ANKFN1: variants seen among roughly 807,000 people sequenced by gnomAD.
The protein encoded by ANKFN1 is ankyrin repeat and fibronectin type III domain containing 1.
A neutral mutation model predicts 108.7 loss-of-function variants in ANKFN1; 74 were observed. That is an observed-to-expected ratio of 0.68 (90% CI 0.56 to 0.83). The LOEUF (loss-of-function observed/expected upper bound fraction) is 0.83, where lower values mean the gene tolerates loss of function less well. ANKFN1 is among the 40% of genes least tolerant of loss of function. The pLI is 0.00. For synonymous variants in ANKFN1, 547 were observed against 516.2 expected, an observed-to-expected ratio of 1.06 and a Z score of -0.81; for missense variants, 1,505 against 1,382.3, an observed-to-expected ratio of 1.09 and a Z score of -1.41.
At chr17:56,162,813 A>T (rs1299886435) in intron 1 of ANKFN1, among the ~76,000 whole-genome samples, 1 of 152,170 alleles carries the variant, frequency 6.6e-6, no homozygotes. Context: ...AGGCGGGTGG[A>T]TCACCTGAGG....
intron 4 of ANKFN1, among the ~76,000 whole-genome samples, chr17:56,048,655 G>C (rs1289999352): frequency 6.6e-6 from 1 of 152,182 alleles, no homozygotes; most frequent in Non-Finnish European, 1.5e-5. Context: ...ATCAAGCTCA[G>C]CAGCCTCTCA....
rs191227572 is a variant in ANKFN1 at position 56,485,734 on chromosome 17, G to A, written c.2260+3210G>A. On this transcript the variant is annotated intron_variant, in intron 18 of 20. Coordinates refer to ENST00000682825, the MANE Select transcript of ANKFN1 (RefSeq NM_001370326.1). Reference sequence around the variant, plus strand: ...CGATGACTAGAGCAATGTTTTTCATGGGACCTATTAATAATCCATAGAACA... The same window carrying A: ...CGATGACTAGAGCAATGTTTTTCATAGGACCTATTAATAATCCATAGAACA... 2.4e-3 allele frequency among the ~76,000 whole-genome samples: 370 copies of A among 152,188 alleles called. 4 individuals carry two copies. Among genetic ancestry groups the A allele is most frequent in the South Asian group, 2.3e-3 (11 of 4,814 alleles).
At chr17:56,249,844 A>G (rs1257732908) in intron 3 of ANKFN1, among the ~76,000 whole-genome samples, 2 of 152,192 alleles carry the variant, frequency 1.3e-5, no homozygotes, top group African/African-American at 4.8e-5. Context: ...ACTTTTTCCC[A>G]TATAGAAAGC....
At chr17:56,325,262 CTG>C (rs57226368) in intron 3 of ANKFN1, among the ~76,000 whole-genome samples, 15,281 of 149,292 alleles carry the variant, frequency 0.1, 1,955 homozygotes, top group African/African-American at 0.31. Context: ...GCTAGTGTCG[CTG>C]TGTGTGTGTG....
chr17:56,196,481 C>T (rs1280353585), intron 1 of ANKFN1, among the ~76,000 whole-genome samples: 1 of 152,136 alleles, frequency 6.6e-6, no homozygotes, highest in African/African-American at 2.4e-5. Context: ...CATCTGTAAT[C>T]CTAGCACTTT....
chr17:56,130,267 G>A (rs187868195), intron 4 of ANKFN1, among the ~76,000 whole-genome samples: 2 of 152,152 alleles, frequency 1.3e-5, no homozygotes, highest in African/African-American at 2.4e-5. Flanking sequence ...GCAGGCCCTC[G>A]CTGGCAGTTT....
chr17:56,379,151 C>A (rs1598486921), intron 8 of ANKFN1, among the ~76,000 whole-genome samples: 1 of 152,160 alleles, frequency 6.6e-6, no homozygotes, highest in Admixed American at 6.5e-5. Flanking sequence ...ATAATCCCAG[C>A]ACTTTGGGAG....
chr17:56,154,206 T>C (rs539950567), intron 1 of ANKFN1, among the ~76,000 whole-genome samples: 1 of 152,276 alleles, frequency 6.6e-6, no homozygotes, highest in South Asian at 2.1e-4. Context: ...GAAATGCCTG[T>C]TATTGACTTG....
intron 3 of ANKFN1, among the ~76,000 whole-genome samples, chr17:56,240,000 A>G (rs1409151217): frequency 6.6e-6 from 1 of 152,214 alleles, no homozygotes; most frequent in East Asian, 1.9e-4. Context: ...AAGAAGAAGC[A>G]TTATGAAATA....
At chr17:56,508,919 T>A (rs979903728) in intron 20 of ANKFN1, among the ~76,000 whole-genome samples, 1 of 152,184 alleles carries the variant, frequency 6.6e-6, no homozygotes, top group African/African-American at 2.4e-5. Flanking sequence ...AGAATCTTCA[T>A]TGTGAATGAA....
At chr17:56,449,362 C>A (rs1267672000) in intron 11 of ANKFN1, among the ~76,000 whole-genome samples, 176 bp downstream of exon 11, 1 of 151,990 alleles carries the variant, frequency 6.6e-6, no homozygotes, top group Non-Finnish European at 1.5e-5. Flanking sequence ...AAGAGACTTC[C>A]CTCTCCTTCG....
chr17:56,289,292 C>T (rs1598357919), intron 3 of ANKFN1, among the ~76,000 whole-genome samples: 3 of 152,238 alleles, frequency 2.0e-5, no homozygotes, highest in South Asian at 2.1e-4. Flanking sequence ...TTTGTAGACT[C>T]AGAAAGAGCT....
intron 4 of ANKFN1, among the ~76,000 whole-genome samples, chr17:56,132,815 A>G (rs757002596): frequency 5.9e-5 from 9 of 152,062 alleles, no homozygotes; most frequent in Non-Finnish European, 1.3e-4. Context: ...TCTTTTTCAT[A>G]AGGGCACTAA....
intron 4 of ANKFN1, among the ~76,000 whole-genome samples, chr17:56,061,190 C>T (rs1441848725): frequency 2.0e-5 from 3 of 149,766 alleles, no homozygotes; most frequent in Non-Finnish European, 4.4e-5. Flanking sequence ...GAATTTTATG[C>T]ATGTCTTTAG....
chr17:56,330,288 A>C (rs567237100), intron 4 of ANKFN1, among the ~76,000 whole-genome samples: 1 of 152,190 alleles, frequency 6.6e-6, no homozygotes, highest in Non-Finnish European at 1.5e-5. Flanking sequence ...ACATGGCGGC[A>C]GGCAAGAGCA....
chr17:56,481,082 CAA>C (rs11439875), intron 17 of ANKFN1, among the ~76,000 whole-genome samples: 23 of 65,870 alleles, frequency 3.5e-4, no homozygotes, highest in Middle Eastern at 9.3e-3. Flanking sequence ...GTCTGGTCAG[CAA>C]AAAAAAAAAA....
At chr17:56,149,281 G>A (rs1908453453), upstream of ANKFN1, among the ~76,000 whole-genome samples, 1 of 152,134 alleles carries the variant, frequency 6.6e-6, no homozygotes, top group Non-Finnish European at 1.5e-5. Context: ...CACAGGCCAT[G>A]AATAGTAATA....
chr17:56,073,020 T>C (rs976933148), intron 4 of ANKFN1, among the ~76,000 whole-genome samples: 2 of 150,824 alleles, frequency 1.3e-5, no homozygotes, highest in Non-Finnish European at 2.9e-5. Flanking sequence ...TGAGACGGAG[T>C]CTCGCTCTGT....
At chr17:56,155,312 T>A (rs1909000203) in intron 1 of ANKFN1, among the ~76,000 whole-genome samples, 1 of 152,218 alleles carries the variant, frequency 6.6e-6, no homozygotes, top group South Asian at 2.1e-4. Flanking sequence ...CTGTCATTTG[T>A]TCTGATATAG....
Sources: allele counts gnomAD v4.1 joint callset (sites outside exome capture counted in the v4.1 genomes callset), GRCh38; gene constraint gnomAD v4.1.1; transcripts MANE v1.5; gene names NCBI Gene and HGNC (gene_info 2026-07-23, HGNC 2026-07-21).